Variants in SLC2A3 observed in about 807,000 individuals in gnomAD.
SLC2A3 encodes the protein solute carrier family 2 member 3, also known as solute carrier family 2, facilitated glucose transporter member 3.
A neutral mutation model predicts 46.4 loss-of-function variants in SLC2A3; 21 were observed. The ratio of observed to expected loss-of-function variants is 0.45; its 90% confidence interval spans 0.32 to 0.65. The LOEUF (loss-of-function observed/expected upper bound fraction) is 0.65, where lower values mean the gene tolerates loss of function less well. SLC2A3 is among the 30% of genes least tolerant of loss of function. The pLI is 0.04. For synonymous variants in SLC2A3, 213 were observed against 239.4 expected, an observed-to-expected ratio of 0.89 and a Z score of 1.02; for missense variants, 499 against 623.3, an observed-to-expected ratio of 0.80 and a Z score of 2.12.
Position 7,921,595 on chromosome 12 carries a change from C to T in SLC2A3, c.1309G>A (p.Gly437Ser), listed in dbSNP as rs777503137. 5 of 1,613,596 alleles carry T rather than the reference C, an allele frequency of 3.1e-6. No homozygotes were observed. The Admixed American group carries it at 6.7e-5, about 22-fold the overall frequency. The change falls in exon 10 of 10, where the codon GGC (glycine) becomes AGC (serine). Residue 437 changes from glycine (G) to serine (S), a missense_variant. This residue lies in a region of SLC2A3 where 179 missense variants were observed against 205.1 expected (regional missense o/e 0.87). Transcript: ENST00000075120. ...AAAGCCAAGAAGGTAATGAGGAAGC[C>T]GGTGAAGATAATAAAAACGTAGGCT... ...LGAYVFIIFT[G>S]FLITFLAFTF...
In SLC2A3 at chr12:7,924,435, A is replaced by C; in HGVS notation, c.1043T>G (p.Leu348Arg). Residue 348 changes from leucine to arginine, a missense_variant, in exon 8 of 10, where the codon CTC becomes CGC. Physicochemically the swap from Leu to Arg is moderately radical, Grantham distance 102. Around this residue, in one of 5 missense-constraint regions of SLC2A3, gnomAD observed 179 missense variants for 205.1 expected, o/e 0.87. Transcript: ENST00000075120. ...CTTTAATAACAAAGAAACAGTCATG[A>C]GCGTGGAACAAAAAGCCATCCCTCC... is the stretch of plus-strand genomic sequence containing the variant. ...GLGGMAFCST[L>R]MTVSLLLKDN... is the part of the protein sequence containing the mutation. 1 of 1,611,058 alleles carries C rather than the reference A, an allele frequency of 6.2e-7. No homozygotes were observed.
At position 7,936,170 on chromosome 12, in the gene SLC2A3, T is replaced by C. The variant is rs2541281; in HGVS notation, c.-136A>G. 1 allele frequency: 768,880 copies of C among 771,410 alleles called. 383,218 individuals are homozygous for C. The highest frequency in any genetic ancestry group is 1 in the East Asian group (40,907 of 40,908). The allele number at this position is 771,410 out of a possible 1,614,324, so 47.8% of individuals were successfully genotyped here. ...CGTCCTCAGGAAGGATCCAAAGTCT[T>C]ACCATTACAGCATCTCTGGGTCTCG... On this transcript the variant is annotated 5_prime_UTR_variant, in exon 1 of 10. Transcript: ENST00000075120.
At chr12:7,931,221 T>C in intron 4 of SLC2A3, 24 bp downstream of exon 4, 1 of 1,613,522 alleles carries the variant, frequency 6.2e-7, no homozygotes, top group Non-Finnish European at 8.5e-7. Context: ...TAACACTCAT[T>C]AAGTATGAGA....
At chr12:7,923,633 GTTT>G (rs1376283014) in intron 8 of SLC2A3, among the ~76,000 whole-genome samples, 1 of 151,650 alleles carries the variant, frequency 6.6e-6, no homozygotes, top group East Asian at 1.9e-4. Context: ...ATTTTTTTTT[GTTT>G]TTTTGTAGAG....
chr12:7,926,468 T>C (rs1946096082), intron 6 of SLC2A3, among the ~76,000 whole-genome samples: 1 of 152,152 alleles, frequency 6.6e-6, no homozygotes, highest in African/African-American at 2.4e-5. Context: ...ATTCCCACTG[T>C]TCCATTTCCT....
rs918781790 is a variant in SLC2A3 at position 7,930,081 on chromosome 12, G to T, written c.674-210C>A. ...GCTCCCTGCAACCTCCACTTCCCGG[G>T]TTCACACGATTCTCCTGCCTCAGCC... On this transcript the variant is annotated intron_variant, in intron 5 of 9. Coordinates refer to ENST00000075120, the MANE Select transcript of SLC2A3 (RefSeq NM_006931.3). 6 of 1,060,012 alleles carry T rather than the reference G, an allele frequency of 5.7e-6. No individual in the cohort carries two copies. The East Asian group carries it at 1.7e-4, about 30-fold the overall frequency. 65.7% of individuals were successfully genotyped at this position (1,060,012 alleles called of 1,614,324 possible).
chr12:7,930,792 GTTTTTTTT>G, intron 4 of SLC2A3, 150 bp from the exon 5 acceptor site: 12 of 245,158 alleles, frequency 4.9e-5, no homozygotes, highest in Admixed American at 8.6e-5. Context: ...ACTCAGCATG[GTTTTTTTT>G]TTTTTTTTTT....
rs752917186 is a variant in SLC2A3 at position 7,927,612 on chromosome 12, T to A, written c.862-1664A>T. 5.9e-5 allele frequency among the ~76,000 whole-genome samples: 9 copies of A among 152,024 alleles called. No homozygotes were observed. In the South Asian group the frequency reaches 1.5e-3, roughly 25 times the overall value. On this transcript the variant is annotated intron_variant, in intron 6 of 9. Transcript: ENST00000075120. ...AAGTGATTTCCAAGCCTGCTGTGCA[T>A]CAGATTTATTTTTTTACAGACAACT...
At chr12:7,924,049 T>A (rs1946068956) in intron 8 of SLC2A3, among the ~76,000 whole-genome samples, 1 of 152,102 alleles carries the variant, frequency 6.6e-6, no homozygotes, top group South Asian at 2.1e-4. Flanking sequence ...ATTACAGGCG[T>A]GAGCCACCGC....
intron 6 of SLC2A3, chr12:7,929,424 C>G: frequency 4.0e-6 from 2 of 498,966 alleles, no homozygotes; most frequent in South Asian, 6.4e-5. Context: ...AGTCAGTTCA[C>G]TCTGAAGTTG....
At chr12:7,933,372 C>T in intron 2 of SLC2A3, 2 of 617,756 alleles carry the variant, frequency 3.2e-6, no homozygotes, top group Non-Finnish European at 5.5e-6. Context: ...CAGTCTACCC[C>T]AGCCCTCTGC....
At chr12:7,931,119 T>C (rs1218666710) in intron 4 of SLC2A3, 126 bp downstream of exon 4, 38 of 1,467,034 alleles carry the variant, frequency 2.6e-5, no homozygotes, top group Non-Finnish European at 3.4e-5. Context: ...TCAGCTACTA[T>C]CTATTATCTA....
chr12:7,927,183 C>G (rs1207929744), intron 6 of SLC2A3, among the ~76,000 whole-genome samples: 2 of 152,184 alleles, frequency 1.3e-5, no homozygotes, highest in East Asian at 1.9e-4. Flanking sequence ...TGTTTTGAAA[C>G]TGAGATTTGT....
intron 8 of SLC2A3, chr12:7,923,254 G>A (rs1161872811): frequency 4.3e-6 from 2 of 463,662 alleles, no homozygotes; most frequent in Non-Finnish European, 3.8e-6. Context: ...CTGCATCATC[G>A]ATCTCCTGGG....
rs762250321 is a variant in SLC2A3, at chr12:7,931,369, A to T, written c.386T>A (p.Leu129His). Residue 129 changes from leucine to histidine, a missense_variant, in exon 4 of 10, where the codon CTC becomes CAC. This residue lies in a region of SLC2A3 where 248 missense variants were observed against 284.0 expected (regional missense o/e 0.87). Transcript: ENST00000075120. ...MLILGRLVIG[L>H]FCGLCTGFVP... ...AAAACCTGTGCAGAGTCCGCAGAAG[A>T]GGCCAATAACCAAGCGACCCAGGAT... The T allele has an allele frequency of 6.2e-7, 1 of 1,614,152 alleles. No individual in the cohort carries two copies. Among genetic ancestry groups the T allele is most frequent in the Non-Finnish European group, 8.5e-7 (1 of 1,180,012 alleles).
In SLC2A3 at chr12:7,932,973, T is replaced by C. The variant is rs376546856; in HGVS notation, c.269+14A>G. The C allele has an allele frequency of 1.2e-6, 2 of 1,613,608 alleles. No individual in the cohort carries two copies. Among genetic ancestry groups the C allele is most frequent in the African/African-American group, 2.7e-5 (2 of 74,892 alleles). ...TGGTAGAGCCCACTTCCTTGCCCAG[T>C]TTCTAGTCAATACCTGCCAAAGCGG... On this transcript the variant is annotated intron_variant, in intron 3 of 9. Coordinates refer to ENST00000075120, the MANE Select transcript of SLC2A3 (RefSeq NM_006931.3).
intron 3 of SLC2A3, 76 bp downstream of exon 3, chr12:7,932,911 C>T (rs1037909814): frequency 1.5e-5 from 23 of 1,572,900 alleles, no homozygotes; most frequent in Admixed American, 1.9e-5. Context: ...ATCATCACCT[C>T]CCTGCCCTAA....
rs372450630 is a variant in SLC2A3 at position 7,928,854 on chromosome 12, A to G, written c.861+830T>C. 2.8e-3 allele frequency among the ~76,000 whole-genome samples: 427 copies of G among 151,882 alleles called. 1 individual carries two copies. The highest frequency in any genetic ancestry group is 9.7e-3 in the African/African-American group (402 of 41,438). On this transcript the variant is annotated intron_variant, in intron 6 of 9. Coordinates refer to ENST00000075120, the MANE Select transcript of SLC2A3 (RefSeq NM_006931.3). Reference sequence around the variant, plus strand: ...AAGTTTTTTTTTTAAAGACAGGGTCATACTATATTTCCCAGGCTTGACTCC... The same window carrying G: ...AAGTTTTTTTTTTAAAGACAGGGTCGTACTATATTTCCCAGGCTTGACTCC...
At chr12:7,933,978 G>A (rs1946186994) in intron 1 of SLC2A3, 76 bp from the exon 2 acceptor site, 4 of 1,397,460 alleles carry the variant, frequency 2.9e-6, no homozygotes, top group Non-Finnish European at 4.0e-6. Context: ...TAATTATGGA[G>A]CTGTATTAGG....
Sources: allele counts gnomAD v4.1 joint callset (sites outside exome capture counted in the v4.1 genomes callset), GRCh38; gene constraint gnomAD v4.1.1; regional missense constraint gnomAD v4.1.1; transcripts MANE v1.5; gene names NCBI Gene and HGNC (gene_info 2026-07-23, HGNC 2026-07-21).